TAF2: variants seen among roughly 807,000 people sequenced by gnomAD.
TAF2 encodes the protein transcription initiation factor TFIID subunit 2.
In TAF2, 61 loss-of-function variants were observed where a neutral mutation model predicts 138.5. The ratio of observed to expected loss-of-function variants is 0.44; its 90% CI spans 0.36 to 0.54. The LOEUF is 0.54. TAF2 is among the 20% of genes least tolerant of loss of function. The pLI, the probability that TAF2 is intolerant of heterozygous loss-of-function variation, is 0.00. For missense variants in TAF2, 1,090 were observed against 1,427.9 expected (o/e 0.76, Z 3.81); for synonymous variants, 475 against 469.9 (o/e 1.01, Z -0.14).
At chr8:119,795,041 TAA>T (rs575596447) in intron 9 of TAF2, among the ~76,000 whole-genome samples, 3 of 141,658 alleles carry the variant, frequency 2.1e-5, no homozygotes, top group Admixed American at 7.1e-5. Flanking sequence ...TTTAAATCGT[TAA>T]AAAAAAAAAA....
At chr8:119,751,825 T>A (rs2131026605) in intron 22 of TAF2, among the ~76,000 whole-genome samples, 1 of 152,312 alleles carries the variant, frequency 6.6e-6, no homozygotes, top group South Asian at 2.1e-4. Context: ...ATGTAAAAGG[T>A]CCTTGTCTTT....
chr8:119,797,892 T>C, intron 6 of TAF2, 46 bp from the exon 7 acceptor site: 1 of 1,584,462 alleles, frequency 6.3e-7, no homozygotes. Context: ...AAGAGTTAAA[T>C]TTAATATTGG....
chr8:119,812,720 T>G (rs1825162812), intron 3 of TAF2, among the ~76,000 whole-genome samples: 1 of 51,062 alleles, frequency 2.0e-5, no homozygotes, highest in African/African-American at 6.7e-5. Context: ...TATTCCATGG[T>G]GTGTGTGTGT....
chr8:119,732,045 T>A lies in TAF2; in HGVS notation c.3479A>T (p.Lys1160Met). The change falls in exon 26 of 26, where the codon AAG (lysine) becomes ATG (methionine). Residue 1160 changes from lysine to methionine, a missense_variant. Lys to Met is a moderately conservative substitution (Grantham distance 95, BLOSUM62 -1). This residue lies in a region of TAF2 where 580 missense variants were observed against 719.6 expected (regional missense o/e 0.81). Transcript: ENST00000378164. ...HHHEHKKKKK[K>M]HKHKHKHKHK... ...CTTGTGTTTGTGCTTATGTTTATGCTTCTTCTTCTTTTTCTTGTGCTCATG... is the reference window on the plus strand; with the variant it reads ...CTTGTGTTTGTGCTTATGTTTATGCATCTTCTTCTTTTTCTTGTGCTCATG... 6.2e-7 allele frequency: 1 copy of A among 1,614,084 alleles called. No homozygotes were observed. The highest frequency in any genetic ancestry group is 8.5e-7 in the Non-Finnish European group (1 of 1,179,910).
intron 9 of TAF2, 81 bp downstream of exon 9, chr8:119,795,451 A>T: frequency 8.3e-7 from 1 of 1,207,620 alleles, no homozygotes; most frequent in Non-Finnish European, 1.2e-6. Context: ...ATTTTCAAGC[A>T]GTATTTTAAA....
intron 18 of TAF2, among the ~76,000 whole-genome samples, chr8:119,765,449 C>G (rs1294623806): frequency 1.3e-5 from 2 of 151,948 alleles, no homozygotes; most frequent in African/African-American, 4.8e-5. Flanking sequence ...GAAAGGCACC[C>G]TTGGGTTAAG....
chr8:119,825,603 G>C (rs1826043637), intron 2 of TAF2, among the ~76,000 whole-genome samples: 1 of 152,318 alleles, frequency 6.6e-6, no homozygotes, highest in African/African-American at 2.4e-5. Context: ...GAGGGACCCA[G>C]TGGGAGGTAA....
At chr8:119,749,183 T>C (rs917999818) in intron 22 of TAF2, among the ~76,000 whole-genome samples, 2 of 152,162 alleles carry the variant, frequency 1.3e-5, no homozygotes, top group African/African-American at 2.4e-5. Flanking sequence ...GAACGTCAGC[T>C]TAAGGATGAT....
In TAF2 at chr8:119,797,833, C is replaced by A; in HGVS notation, c.806G>T (p.Cys269Phe). 1 of 1,613,044 alleles carries A rather than the reference C, an allele frequency of 6.2e-7. No individual in the cohort carries two copies. Among genetic ancestry groups the A allele is most frequent in the East Asian group, 2.2e-5 (1 of 44,776 alleles). Residue 269 changes from cysteine (C) to phenylalanine (F), a missense_variant, in exon 7 of 26, where the codon TGT becomes TTT. This residue lies in a region of TAF2 where 504 missense variants were observed against 680.9 expected (regional missense o/e 0.74). Transcript: ENST00000378164. ...CAGCAATGGAAGAAGTTGGGGCAAA[C>A]AAAAATGAGTAACCTGAAAAGAAGA... ...DPYMHEVTHFCLPQLLPLLKH... is the reference protein window; with the variant it reads ...DPYMHEVTHFFLPQLLPLLKH...
Position 119,791,477 on chromosome 8 carries a change from A to T in TAF2, c.1278-18T>A, listed in dbSNP as rs763463189. The stretch of plus-strand genomic sequence containing the variant: ...AAGCCGGACTAAAAAAAATAAACAC[A>T]TTTACCTAATACAGCAAATGTGACT... On this transcript the variant is annotated intron_variant, in intron 10 of 25. Coordinates refer to ENST00000378164, the MANE Select transcript of TAF2 (RefSeq NM_003184.4). 6.2e-7 allele frequency: 1 copy of T among 1,610,234 alleles called. No homozygotes were observed. Among genetic ancestry groups the T allele is most frequent in the Non-Finnish European group, 8.5e-7 (1 of 1,177,616 alleles).
chr8:119,769,523 C>G (rs1231591699), intron 18 of TAF2, among the ~76,000 whole-genome samples: 2 of 151,762 alleles, frequency 1.3e-5, no homozygotes, highest in African/African-American at 4.8e-5. Flanking sequence ...TGAAAGGAAG[C>G]CCAAAGAGAC....
intron 3 of TAF2, among the ~76,000 whole-genome samples, chr8:119,811,762 C>T (rs1825075097): frequency 7.0e-6 from 1 of 142,976 alleles, no homozygotes; most frequent in African/African-American, 2.6e-5. Flanking sequence ...GCCGGGATAG[C>T]GCCACTGCAG....
chr8:119,823,409 T>A (rs1825909130), intron 2 of TAF2, among the ~76,000 whole-genome samples: 1 of 152,180 alleles, frequency 6.6e-6, no homozygotes, highest in Non-Finnish European at 1.5e-5. Flanking sequence ...AGTCTTTCCA[T>A]GCTATTCTCA....
chr8:119,751,381 A>G (rs1379185279), intron 22 of TAF2, among the ~76,000 whole-genome samples: 1 of 152,148 alleles, frequency 6.6e-6, no homozygotes, highest in Non-Finnish European at 1.5e-5. Context: ...AGATAATACT[A>G]TTTTCTAAAC....
chr8:119,786,927 A>G (rs1397470973), intron 14 of TAF2, among the ~76,000 whole-genome samples: 1 of 152,128 alleles, frequency 6.6e-6, no homozygotes, highest in African/African-American at 2.4e-5. Flanking sequence ...TAAAAAAATT[A>G]GGTACACCTA....
intron 25 of TAF2, among the ~76,000 whole-genome samples, chr8:119,736,553 A>C (rs1442237898): frequency 6.6e-6 from 1 of 152,226 alleles, no homozygotes; most frequent in East Asian, 1.9e-4. Context: ...TACTTTGAAA[A>C]TTATTAAATA....
rs537291934 is a variant in TAF2, at chr8:119,792,441, G to A, written c.1277+925C>T. Among the ~76,000 whole-genome samples the A allele has an allele frequency of 1.1e-4, 16 of 152,142 alleles. No homozygotes were observed. The South Asian group carries it at 3.3e-3, about 32-fold the overall frequency. ...GCTGGGATTACAGGCATGAGCCCCC[G>A]CGCTGGGCCAGAAGAATTTCTACAT... On this transcript the variant is annotated intron_variant, in intron 10 of 25. Coordinates refer to ENST00000378164, the MANE Select transcript of TAF2 (RefSeq NM_003184.4).
chr8:119,828,793 C>G (rs1428449901), intron 2 of TAF2, among the ~76,000 whole-genome samples: 1 of 152,204 alleles, frequency 6.6e-6, no homozygotes, highest in African/African-American at 2.4e-5. Context: ...GAACTGTCAT[C>G]TCTCACACTA....
intron 1 of TAF2, among the ~76,000 whole-genome samples, chr8:119,832,189 C>CT (rs1388562715): frequency 6.6e-6 from 1 of 151,770 alleles, no homozygotes; most frequent in Non-Finnish European, 1.5e-5. Context: ...AAAAAACACT[C>CT]TACCAATTGG....
Sources: gnomAD v4.1 joint callset for allele counts (sites outside exome capture counted in the v4.1 genomes callset) on GRCh38, gnomAD v4.1.1 for gene constraint, gnomAD v4.1.1 regional missense constraint, MANE v1.5 for transcripts, NCBI Gene and HGNC (gene_info 2026-07-23, HGNC 2026-07-21) for gene names.